The following SLC4A4 variants were observed in gnomAD, a reference collection of about 807,000 sequenced individuals.
SLC4A4 encodes solute carrier family 4 member 4, also known as electrogenic sodium bicarbonate cotransporter 1.
Under a neutral mutation model 111.5 loss-of-function variants are expected in SLC4A4, and 27 were observed. The ratio of observed to expected loss-of-function variants is 0.24; its 90% CI spans 0.18 to 0.33. The LOEUF (loss-of-function observed/expected upper bound fraction) is 0.33. SLC4A4 is among the 10% of genes least tolerant of loss of function. The pLI, the probability that SLC4A4 is intolerant of heterozygous loss-of-function variation, is 1.00. For synonymous variants in SLC4A4, 443 were observed against 463.4 expected (o/e 0.96, Z 0.57); for missense variants, 909 against 1,315.5 (o/e 0.69, Z 4.78).
At chr4:71,090,336 G>A (rs1000573161) in intron 1 of SLC4A4, among the ~76,000 whole-genome samples, 1 of 152,128 alleles carries the variant, frequency 6.6e-6, no homozygotes, top group Admixed American at 6.5e-5. Context: ...CTGACCCCTT[G>A]TGCTTCCCAG....
chr4:71,312,383 A>G (rs1399882728), intron 3 of SLC4A4, among the ~76,000 whole-genome samples: 1 of 152,212 alleles, frequency 6.6e-6, no homozygotes, highest in Non-Finnish European at 1.5e-5. Context: ...AATTATTACA[A>G]ACAATAGAAG....
chr4:71,141,420 C>T (rs531133392), intron 2 of SLC4A4, among the ~76,000 whole-genome samples: 1 of 152,288 alleles, frequency 6.6e-6, no homozygotes, highest in African/African-American at 2.4e-5. Flanking sequence ...TCATGCTGCT[C>T]CAGCTACACT....
chr4:71,300,905 G>A (rs1272488009), intron 3 of SLC4A4: 2 of 521,110 alleles, frequency 3.8e-6, no homozygotes, highest in Non-Finnish European at 7.9e-6. Context: ...AGGTGCTGGG[G>A]TCCATGTCAC....
intron 3 of SLC4A4, among the ~76,000 whole-genome samples, chr4:71,285,420 C>T (rs1723838401): frequency 6.6e-6 from 1 of 152,018 alleles, no homozygotes; most frequent in African/African-American, 2.4e-5. Context: ...GGGCAAATTG[C>T]CTGTATTGAT....
chr4:71,113,499 A>G (rs928586519), intron 2 of SLC4A4, among the ~76,000 whole-genome samples: 13 of 152,342 alleles, frequency 8.5e-5, no homozygotes, highest in African/African-American at 3.1e-4. Context: ...GACTTTCCTT[A>G]TGGCAGGTAG....
intron 2 of SLC4A4, among the ~76,000 whole-genome samples, chr4:71,123,595 T>A (rs1743488739): frequency 6.6e-6 from 1 of 152,134 alleles, no homozygotes; most frequent in Non-Finnish European, 1.5e-5. Context: ...ATATACTAAT[T>A]TGAAAAAAAT....
chr4:71,078,721 C>T (rs910890639), intron 1 of SLC4A4, among the ~76,000 whole-genome samples: 4 of 152,046 alleles, frequency 2.6e-5, no homozygotes, highest in East Asian at 3.9e-4. Context: ...AGGGCTCGGT[C>T]GTAAAACGAT....
rs531404893 is a variant in SLC4A4, at chr4:71,410,650, GT to G, written c.807+12999del. Reference sequence around the variant, plus strand: ...GACTTTTGGGTTAATGCTGAAATGAGTTAAGACTTTGAGGGACTGTTGGGAA... The same window carrying G: ...GACTTTTGGGTTAATGCTGAAATGAGTAAGACTTTGAGGGACTGTTGGGAA... On this transcript the variant is annotated intron_variant, in intron 7 of 25. Transcript: ENST00000264485. Among the ~76,000 whole-genome samples, 17 of 152,300 alleles carry G rather than the reference GT, an allele frequency of 1.1e-4. No homozygotes were observed. The South Asian group carries it at 3.5e-3, about 32-fold the overall frequency.
intron 1 of SLC4A4, among the ~76,000 whole-genome samples, chr4:71,195,000 A>G (rs1314188876): frequency 1.3e-5 from 2 of 152,110 alleles, no homozygotes; most frequent in African/African-American, 4.8e-5. Flanking sequence ...TGATGTTGTG[A>G]CTATTCAAAA....
At chr4:71,148,497 G>A (rs1181908256) in intron 2 of SLC4A4, among the ~76,000 whole-genome samples, 1 of 152,096 alleles carries the variant, frequency 6.6e-6, no homozygotes, top group Non-Finnish European at 1.5e-5. Context: ...TGTCACCCGG[G>A]TATTAAGCCT....
In SLC4A4 at chr4:71,376,066, C is replaced by CAT. The variant is rs1159793136; in HGVS notation, c.730+18883_730+18884dup. Among the ~76,000 whole-genome samples, 205 of 145,202 alleles carry CAT rather than the reference C, an allele frequency of 1.4e-3. 2 individuals carry two copies. Among genetic ancestry groups the CAT allele is most frequent in the African/African-American group, 5.0e-3 (194 of 38,850 alleles). On this transcript the variant is annotated intron_variant, in intron 6 of 25. Coordinates refer to ENST00000264485, the MANE Select transcript of SLC4A4 (RefSeq NM_001098484.3). ...ACATATATACACGTATATATATATACATATACACGTATATATATACATATA... is the reference window on the plus strand; with the variant it reads ...ACATATATACACGTATATATATATACATATATACACGTATATATATACATATA...
At chr4:71,312,754 G>A (rs1386856335) in intron 3 of SLC4A4, among the ~76,000 whole-genome samples, 1 of 152,098 alleles carries the variant, frequency 6.6e-6, no homozygotes, top group Non-Finnish European at 1.5e-5. Flanking sequence ...AATAAAGTAG[G>A]TATCGATGGG....
At chr4:71,082,807 T>G (rs1412428490) in intron 1 of SLC4A4, among the ~76,000 whole-genome samples, 1 of 151,916 alleles carries the variant, frequency 6.6e-6, no homozygotes, top group Non-Finnish European at 1.5e-5. Flanking sequence ...CCTCTAGAAA[T>G]AATCATTCAT....
At chr4:71,467,765 A>G (rs2149101148) in intron 13 of SLC4A4, among the ~76,000 whole-genome samples, 1 of 152,282 alleles carries the variant, frequency 6.6e-6, no homozygotes, top group East Asian at 1.9e-4. Flanking sequence ...CAAATTGGGT[A>G]TTCCAGCCTC....
At chr4:71,147,074 G>C (rs568290846) in intron 2 of SLC4A4, among the ~76,000 whole-genome samples, 99 of 152,250 alleles carry the variant, frequency 6.5e-4, no homozygotes, top group Non-Finnish European at 1.0e-3. Context: ...ACAAAAAAAG[G>C]CAGGGGTTGC....
At chr4:71,143,545 A>G (rs1223716089) in intron 2 of SLC4A4, among the ~76,000 whole-genome samples, 1 of 152,190 alleles carries the variant, frequency 6.6e-6, no homozygotes, top group East Asian at 1.9e-4. Context: ...CAATGGTTGA[A>G]CTAGTTTACA....
chr4:71,344,809 T>A (rs2148895978), intron 4 of SLC4A4, among the ~76,000 whole-genome samples: 1 of 152,038 alleles, frequency 6.6e-6, no homozygotes, highest in East Asian at 1.9e-4. Flanking sequence ...TGAAGTTCAG[T>A]TTAGGATATT....
At chr4:71,560,681 G>A (rs1427676601) in intron 23 of SLC4A4, among the ~76,000 whole-genome samples, 2 of 151,732 alleles carry the variant, frequency 1.3e-5, no homozygotes, top group Non-Finnish European at 2.9e-5. Context: ...CACTTCACGT[G>A]ATCTGTGAAT....
At chr4:71,248,999 G>T (rs796664921) in intron 2 of SLC4A4, among the ~76,000 whole-genome samples, 5 of 152,244 alleles carry the variant, frequency 3.3e-5, no homozygotes, top group African/African-American at 9.6e-5. Flanking sequence ...CCTAGAGATT[G>T]TTATCACTAT....
Sources: allele counts gnomAD v4.1 joint callset (sites outside exome capture counted in the v4.1 genomes callset), GRCh38; gene constraint gnomAD v4.1.1; transcripts MANE v1.5; gene names NCBI Gene and HGNC (gene_info 2026-07-23, HGNC 2026-07-21).